ANLN: variants seen among roughly 807,000 people sequenced by gnomAD.
ANLN encodes anillin.
Under a neutral mutation model 135.1 loss-of-function variants are expected in ANLN, and 59 were observed. The ratio of observed to expected loss-of-function variants is 0.44; its 90% CI spans 0.35 to 0.54. The LOEUF (loss-of-function observed/expected upper bound fraction) is 0.54. ANLN is among the 20% of genes least tolerant of loss of function. The pLI is 0.00. For synonymous variants in ANLN, 406 were observed against 456.4 expected, an observed-to-expected ratio of 0.89 and a Z score of 1.41; for missense variants, 1,182 against 1,340.0, an observed-to-expected ratio of 0.88 and a Z score of 1.84.
intron 21 of ANLN, among the ~76,000 whole-genome samples, chr7:36,439,654 A>G (rs1349278353): frequency 6.6e-6 from 1 of 152,362 alleles, no homozygotes; most frequent in South Asian, 2.1e-4. Flanking sequence ...TAAACTGAGT[A>G]AGTTAATCTG....
At chr7:36,439,956 A>T (rs1374381043) in intron 21 of ANLN, among the ~76,000 whole-genome samples, 1 of 152,244 alleles carries the variant, frequency 6.6e-6, no homozygotes, top group African/African-American at 2.4e-5. Flanking sequence ...AGAGGAAATT[A>T]TCCAACTTGG....
At chr7:36,399,473 A>G in intron 3 of ANLN, 80 bp downstream of exon 3, 1 of 1,236,856 alleles carries the variant, frequency 8.1e-7, no homozygotes, top group South Asian at 1.6e-5. Flanking sequence ...TTTATCAGTT[A>G]ACTCATGAAA....
intron 23 of ANLN, among the ~76,000 whole-genome samples, chr7:36,451,459 G>A (rs774011014): frequency 3.3e-5 from 5 of 152,132 alleles, no homozygotes; most frequent in Non-Finnish European, 7.4e-5. Context: ...AACTTTGCTG[G>A]CCCTCTGAAA....
intron 21 of ANLN, among the ~76,000 whole-genome samples, chr7:36,442,576 C>T (rs549605197): frequency 6.6e-6 from 1 of 151,974 alleles, no homozygotes; most frequent in South Asian, 2.1e-4. Flanking sequence ...TTGCTTTGTT[C>T]TTTAACACAG....
At chr7:36,440,677 G>C (rs1421544636) in intron 21 of ANLN, among the ~76,000 whole-genome samples, 5 of 152,142 alleles carry the variant, frequency 3.3e-5, no homozygotes, top group Non-Finnish European at 5.9e-5. Context: ...CTGATCTAGG[G>C]CTTATGGGGT....
At chr7:36,405,627 C>T (rs764455373) in intron 3 of ANLN, among the ~76,000 whole-genome samples, 2 of 152,152 alleles carry the variant, frequency 1.3e-5, no homozygotes, top group Non-Finnish European at 2.9e-5. Flanking sequence ...TGCAGAAAAA[C>T]ATTTGGTTGT....
chr7:36,446,501 G>T lies in ANLN; in HGVS notation c.3078+2639G>T, dbSNP rs141809095. On this transcript the variant is annotated intron_variant, in intron 22 of 23. Transcript: ENST00000265748. The stretch of plus-strand genomic sequence containing the variant: ...CTGCTTAGCTTCTGGGGAGGCCTCA[G>T]GGCGCTTTTACTCACAGCAAAAGAT... Among the ~76,000 whole-genome samples the T allele has an allele frequency of 4.8e-3, 733 of 152,256 alleles. 11 individuals carry two copies. Among genetic ancestry groups the T allele is most frequent in the African/African-American group, 0.016 (669 of 41,542 alleles).
At chr7:36,433,837 C>CT (rs1236185841) in intron 20 of ANLN, among the ~76,000 whole-genome samples, 1 of 151,648 alleles carries the variant, frequency 6.6e-6, no homozygotes, top group East Asian at 1.9e-4. Context: ...TAAATTCAGA[C>CT]TTTTTTTTAG....
At chr7:36,415,969 G>T in intron 8 of ANLN, 85 bp downstream of exon 8, 2 of 1,238,658 alleles carry the variant, frequency 1.6e-6, no homozygotes, top group South Asian at 1.7e-5. Flanking sequence ...TAACTTTGCT[G>T]GATTTGTTTG....
At chr7:36,414,620 G>A (rs1486804917) in intron 7 of ANLN, among the ~76,000 whole-genome samples, 2 of 152,136 alleles carry the variant, frequency 1.3e-5, no homozygotes, top group Non-Finnish European at 2.9e-5. Flanking sequence ...AGAATAGGGG[G>A]TAGTATTGAG....
At chr7:36,428,557 A>T (rs374536905) in intron 20 of ANLN, among the ~76,000 whole-genome samples, 4 of 151,938 alleles carry the variant, frequency 2.6e-5, no homozygotes, top group South Asian at 4.2e-4. Flanking sequence ...ACCTTCTTTG[A>T]AAGTTTTCTA....
intron 1 of ANLN, among the ~76,000 whole-genome samples, chr7:36,391,941 C>T (rs1364792690): frequency 7.6e-6 from 1 of 132,076 alleles, no homozygotes; most frequent in Non-Finnish European, 1.7e-5. Context: ...ACTGTTCTGG[C>T]ACTCTTTTTT....
chr7:36,434,761 G>A (rs1196333243), intron 20 of ANLN, among the ~76,000 whole-genome samples: 1 of 152,160 alleles, frequency 6.6e-6, no homozygotes, highest in Non-Finnish European at 1.5e-5. Flanking sequence ...GATTACAGGA[G>A]AGGCTGAGGC....
intron 21 of ANLN, among the ~76,000 whole-genome samples, chr7:36,442,741 C>G (rs1431462254): frequency 6.6e-6 from 1 of 152,050 alleles, no homozygotes; most frequent in African/African-American, 2.4e-5. Context: ...ACGCCATTCT[C>G]CTGCCTCAGC....
intron 7 of ANLN, among the ~76,000 whole-genome samples, chr7:36,412,622 C>A (rs1787471833): frequency 6.6e-6 from 1 of 152,092 alleles, no homozygotes; most frequent in Admixed American, 6.5e-5. Context: ...GCCACCACAC[C>A]CAGCCGAGAA....
intron 21 of ANLN, among the ~76,000 whole-genome samples, chr7:36,442,944 T>C (rs890486644): frequency 1.3e-5 from 2 of 150,394 alleles, no homozygotes; most frequent in Admixed American, 1.3e-4. Context: ...TGTTTGTTGT[T>C]TTTTTTTTTA....
intron 20 of ANLN, among the ~76,000 whole-genome samples, chr7:36,433,376 A>C (rs901308760): frequency 2.0e-5 from 3 of 152,164 alleles, no homozygotes; most frequent in Non-Finnish European, 4.4e-5. Context: ...ACAGGTTTTT[A>C]TCTTTTCAAT....
At position 36,429,057 on chromosome 7, in the gene ANLN, GTGTGAACAC is replaced by G. The variant is rs559493673; in HGVS notation, c.2883+2034_2883+2042del. Among the ~76,000 whole-genome samples the G allele has an allele frequency of 1.7e-3, 264 of 152,164 alleles. 2 individuals are homozygous for G. Among genetic ancestry groups the G allele is most frequent in the African/African-American group, 6.1e-3 (252 of 41,502 alleles). ...GCCTCCCAAAGTGCTGGGATTACAGGTGTGAACACTGTGCCTGGCCAAAAGTAGAAAATT... is the reference window on the plus strand; with the variant it reads ...GCCTCCCAAAGTGCTGGGATTACAGGTGTGCCTGGCCAAAAGTAGAAAATT... On this transcript the variant is annotated intron_variant, in intron 20 of 23. Coordinates refer to ENST00000265748, the MANE Select transcript of ANLN (RefSeq NM_018685.5).
At chr7:36,450,662 G>T (rs1386142400) in intron 23 of ANLN, among the ~76,000 whole-genome samples, 1 of 152,126 alleles carries the variant, frequency 6.6e-6, no homozygotes, top group African/African-American at 2.4e-5. Context: ...ATTACTTCCA[G>T]ATTTATTCAT....
Sources: allele counts gnomAD v4.1 joint callset (sites outside exome capture counted in the v4.1 genomes callset), GRCh38; gene constraint gnomAD v4.1.1; transcripts MANE v1.5; gene names NCBI Gene and HGNC (gene_info 2026-07-23, HGNC 2026-07-21).